The following DNAJC6 variants were observed in gnomAD, a reference collection of about 807,000 sequenced individuals.
DNAJC6 encodes auxilin.
In DNAJC6, 34 loss-of-function variants were observed where a neutral mutation model predicts 110.0. The ratio of observed to expected loss-of-function variants is 0.31; its 90% CI spans 0.24 to 0.41. DNAJC6 has a LOEUF of 0.41. Among genes scored for constraint, DNAJC6 ranks in the 10% least tolerant of loss-of-function variants. The pLI is 1.00. For synonymous variants in DNAJC6, 406 were observed against 437.2 expected (o/e 0.93, Z 0.89); for missense variants, 1,031 against 1,207.8 (o/e 0.85, Z 2.17).
chr1:65,273,599 GA>G (rs960125897), intron 1 of DNAJC6, among the ~76,000 whole-genome samples: 16 of 148,734 alleles, frequency 1.1e-4, no homozygotes, highest in African/African-American at 2.0e-4. Flanking sequence ...CTGTCTCAAT[GA>G]AAAAAAAAAT....
At chr1:65,408,561 A>C (rs1354726028) in intron 16 of DNAJC6, 80 bp from the exon 17 acceptor site, 7 of 1,505,656 alleles carry the variant, frequency 4.6e-6, no homozygotes, top group Non-Finnish European at 6.3e-6. Context: ...CACCTTGAAG[A>C]CTCCAGATGC....
At chr1:65,284,722 T>C (rs1420193172) in intron 1 of DNAJC6, among the ~76,000 whole-genome samples, 2 of 151,946 alleles carry the variant, frequency 1.3e-5, no homozygotes, top group Non-Finnish European at 2.9e-5. Context: ...GAGTTTCACT[T>C]TTTTTGCCCA....
intron 1 of DNAJC6, among the ~76,000 whole-genome samples, chr1:65,312,271 A>G (rs978512722): frequency 1.3e-5 from 2 of 152,172 alleles, no homozygotes; most frequent in Non-Finnish European, 2.9e-5. Flanking sequence ...AGTACAGGGT[A>G]TCTTACAATG....
chr1:65,294,853 T>C (rs376835341), intron 1 of DNAJC6, among the ~76,000 whole-genome samples: 2 of 152,186 alleles, frequency 1.3e-5, no homozygotes, highest in East Asian at 3.8e-4. Context: ...CTCTGTACAA[T>C]ATAGAGTACA....
At chr1:65,343,753 G>GA (rs928541717) in intron 1 of DNAJC6, among the ~76,000 whole-genome samples, 23 of 150,870 alleles carry the variant, frequency 1.5e-4, no homozygotes, top group Admixed American at 5.3e-4. Flanking sequence ...AAAAAAAAAG[G>GA]AAAAAAAAAT....
chr1:65,273,025 G>A (rs1284672651), intron 1 of DNAJC6, among the ~76,000 whole-genome samples: 1 of 151,990 alleles, frequency 6.6e-6, no homozygotes, highest in Non-Finnish European at 1.5e-5. Context: ...ATTTCTGATA[G>A]TGGCATTTCT....
chr1:65,328,585 C>T (rs1645260917), intron 1 of DNAJC6, among the ~76,000 whole-genome samples: 1 of 152,232 alleles, frequency 6.6e-6, no homozygotes, highest in Non-Finnish European at 1.5e-5. Flanking sequence ...GTTCCTGAAT[C>T]ACAGTCAAGG....
At chr1:65,344,597 C>G (rs1030403080) in intron 1 of DNAJC6, among the ~76,000 whole-genome samples, 1 of 152,170 alleles carries the variant, frequency 6.6e-6, no homozygotes, top group Non-Finnish European at 1.5e-5. Flanking sequence ...ATCCAGCTAG[C>G]AGTGCTATGC....
chr1:65,384,069 A>G (rs1465005949), intron 5 of DNAJC6, 124 bp from the exon 6 acceptor site: 1 of 1,219,694 alleles, frequency 8.2e-7, no homozygotes, highest in Admixed American at 3.1e-5. Flanking sequence ...TTTTTAAATG[A>G]AAAGCACCCA....
chr1:65,266,850 T>A (rs1417822903), intron 1 of DNAJC6, among the ~76,000 whole-genome samples: 2 of 152,166 alleles, frequency 1.3e-5, no homozygotes, highest in Non-Finnish European at 2.9e-5. Context: ...TCAGTGTGTT[T>A]TAAGCTCAGA....
intron 1 of DNAJC6, among the ~76,000 whole-genome samples, chr1:65,314,451 T>C (rs967368220): frequency 5.3e-5 from 8 of 152,154 alleles, no homozygotes; most frequent in African/African-American, 1.7e-4. Context: ...AAGGGTCTTG[T>C]AGGTTGGAGG....
intron 1 of DNAJC6, among the ~76,000 whole-genome samples, chr1:65,325,193 T>C (rs1393894902): frequency 1.3e-5 from 2 of 152,212 alleles, no homozygotes; most frequent in Non-Finnish European, 2.9e-5. Context: ...TTTCATGGAA[T>C]ACAAGGTAGA....
chr1:65,373,174 A>G (rs1645724445), intron 4 of DNAJC6, among the ~76,000 whole-genome samples: 2 of 152,154 alleles, frequency 1.3e-5, no homozygotes, highest in African/African-American at 4.8e-5. Context: ...TTCATTGTAT[A>G]TGTATACCAC....
intron 1 of DNAJC6, among the ~76,000 whole-genome samples, chr1:65,300,895 T>C (rs991286023): frequency 6.6e-6 from 1 of 152,144 alleles, no homozygotes; most frequent in African/African-American, 2.4e-5. Context: ...AAGTTCTACA[T>C]CCTCTATGGC....
chr1:65,366,323 T>TAGAA (rs1645646324), intron 4 of DNAJC6, 127 bp downstream of exon 4: 1 of 1,006,270 alleles, frequency 9.9e-7, no homozygotes, highest in Admixed American at 2.5e-5. Flanking sequence ...TGGACACTTC[T>TAGAA]GTTCACAAAA....
At position 65,392,697 on chromosome 1, in the gene DNAJC6, G is replaced by A; in HGVS notation, c.1735G>A (p.Glu579Lys). 1 of 1,612,862 alleles carries A rather than the reference G, an allele frequency of 6.2e-7. No homozygotes were observed. The highest frequency in any genetic ancestry group is 1.1e-5 in the South Asian group (1 of 90,778). ...SPPAAPPTNS[E>K]LLSDLFGGGG... ...GCCAGCGGCTCCTCCCACCAATTCT[G>A]AACTACTGAGTGACCTGTTTGGGGG... is the stretch of plus-strand genomic sequence containing the variant. The change falls in exon 12 of 19, where the codon GAA becomes AAA. Residue 579 changes from glutamate to lysine, a missense_variant. Coordinates refer to ENST00000371069, the MANE Select transcript of DNAJC6 (RefSeq NM_001256864.2).
At chr1:65,382,015 G>A (rs955869312) in intron 5 of DNAJC6, among the ~76,000 whole-genome samples, 2 of 152,250 alleles carry the variant, frequency 1.3e-5, no homozygotes, top group Non-Finnish European at 2.9e-5. Flanking sequence ...ACAGGAAGGA[G>A]AGGTGCCAGG....
intron 1 of DNAJC6, among the ~76,000 whole-genome samples, chr1:65,363,667 G>A (rs867612441): frequency 3.9e-5 from 6 of 152,098 alleles, no homozygotes; most frequent in African/African-American, 1.4e-4. Context: ...TGGGGCAGGT[G>A]CTACTGGCAT....
intron 1 of DNAJC6, among the ~76,000 whole-genome samples, chr1:65,339,172 A>T (rs769735327): frequency 1.3e-5 from 2 of 152,090 alleles, no homozygotes; most frequent in Non-Finnish European, 1.5e-5. Context: ...GCCAGGTGTA[A>T]TGTTGGGTTC....
Sources: gnomAD v4.1 joint callset for allele counts (sites outside exome capture counted in the v4.1 genomes callset) on GRCh38, gnomAD v4.1.1 for gene constraint, MANE v1.5 for transcripts, NCBI Gene and HGNC (gene_info 2026-07-23, HGNC 2026-07-21) for gene names.